The following EVA1A variants were observed in gnomAD, a reference collection of about 807,000 sequenced individuals.
EVA1A encodes eva-1 homolog A, regulator of programmed cell death.
Under a neutral mutation model 9.8 loss-of-function variants are expected in EVA1A, and 7 were observed. The observed-to-expected ratio is 0.71, with a 90% CI of 0.41 to 1.34. EVA1A has a LOEUF of 1.34. Among genes scored for constraint, EVA1A ranks in the 40% most tolerant of loss-of-function variants. EVA1A has a pLI of 0.01. For synonymous variants in EVA1A, 90 were observed against 85.6 expected (o/e 1.05, Z -0.28); for missense variants, 206 against 205.9 (o/e 1.00, Z 0.00).
chr2:75,493,714 G>C, intron 3 of EVA1A, 105 bp from the exon 4 acceptor site: 2 of 1,082,014 alleles, frequency 1.8e-6, no homozygotes, highest in Non-Finnish European at 2.6e-6. Context: ...CCAAAGTTTT[G>C]ATGGTTACAA....
At chr2:75,520,481 C>T (rs1209166190) in intron 2 of EVA1A, among the ~76,000 whole-genome samples, 3 of 152,192 alleles carry the variant, frequency 2.0e-5, no homozygotes, top group Admixed American at 2.0e-4. Context: ...GTAGGCCTAG[C>T]ATATAAAAAC....
intron 3 of EVA1A, among the ~76,000 whole-genome samples, chr2:75,506,295 T>C (rs1001391849): frequency 2.6e-5 from 4 of 152,240 alleles, no homozygotes; most frequent in African/African-American, 4.8e-5. Flanking sequence ...GGAATCTCTG[T>C]GTCAAACAGG....
At chr2:75,495,251 T>C in intron 3 of EVA1A, among the ~76,000 whole-genome samples, 1 of 152,120 alleles carries the variant, frequency 6.6e-6, no homozygotes, top group Non-Finnish European at 1.5e-5. Context: ...ACGAAAGCAA[T>C]GGACAGAAAA....
chr2:75,546,177 A>T (rs1676323388), intron 1 of EVA1A, among the ~76,000 whole-genome samples: 1 of 152,126 alleles, frequency 6.6e-6, no homozygotes, highest in Admixed American at 6.5e-5. Flanking sequence ...GCCACTGAGG[A>T]TGCTAAGCTG....
chr2:75,564,461 T>G (rs1456554887), upstream of EVA1A, among the ~76,000 whole-genome samples: 1 of 152,062 alleles, frequency 6.6e-6, no homozygotes, highest in African/African-American at 2.4e-5. Flanking sequence ...GCCAGCAGAG[T>G]GCACAGGGCT....
Position 75,494,078 on chromosome 2 carries a change from C to T in EVA1A, c.86-469G>A, listed in dbSNP as rs530837464. ...TGAACCCCATCTCCTAGTATTCACA[C>T]GCTTGTGCAATCCTCTCCCCTCAAG... On this transcript the variant is annotated intron_variant, in intron 3 of 3. Coordinates refer to ENST00000393913, the MANE Select transcript of EVA1A (RefSeq NM_001135032.2). 1.4e-3 allele frequency among the ~76,000 whole-genome samples: 211 copies of T among 152,300 alleles called. 2 individuals are homozygous for T. Among genetic ancestry groups the T allele is most frequent in the Non-Finnish European group, 1.6e-3 (109 of 68,018 alleles).
chr2:75,549,314 G>A (rs551514246), intron 1 of EVA1A, among the ~76,000 whole-genome samples: 5 of 152,214 alleles, frequency 3.3e-5, no homozygotes, highest in Non-Finnish European at 4.4e-5. Context: ...TAACTTCACC[G>A]AACCACATTT....
intron 1 of EVA1A, among the ~76,000 whole-genome samples, chr2:75,559,697 T>TGGGGGGGGGGGGGGGGGGGGG (rs36059976): frequency 1.3e-5 from 1 of 78,768 alleles, no homozygotes; most frequent in Admixed American, 1.3e-4. Flanking sequence ...AGAAAGGAGG[T>TGGGGGGGGGGGGGGGGGGGGG]GGGGGGGGGG....
At chr2:75,528,853 C>G (rs1572969737) in intron 1 of EVA1A, among the ~76,000 whole-genome samples, 1 of 152,184 alleles carries the variant, frequency 6.6e-6, no homozygotes, top group South Asian at 2.1e-4. Flanking sequence ...GCAACCAACT[C>G]AAGCCATTAC....
In EVA1A at chr2:75,492,960, C is replaced by T. The variant is rs1674081282; in HGVS notation, c.*276G>A. The T allele has an allele frequency of 2.4e-6, 1 of 425,418 alleles. No individual in the cohort carries two copies. The highest frequency in any genetic ancestry group is 2.0e-5 in the African/African-American group (1 of 49,324). 26.4% of individuals were successfully genotyped at this position (425,418 alleles called of 1,614,324 possible). On this transcript the variant is annotated 3_prime_UTR_variant, in exon 4 of 4. Coordinates refer to ENST00000393913, the MANE Select transcript of EVA1A (RefSeq NM_001135032.2). ...GATCCTCAGAAATCAAGAGAAACCA[C>T]AGTCGCGTTTCTCCGATCTCCATCC...
At chr2:75,562,292 C>T (rs544719193), upstream of EVA1A, among the ~76,000 whole-genome samples, 1 of 152,282 alleles carries the variant, frequency 6.6e-6, no homozygotes, top group East Asian at 1.9e-4. Flanking sequence ...TCCACCCTCA[C>T]AAATATTTCT....
At chr2:75,518,972 G>T in intron 2 of EVA1A, 2 of 607,306 alleles carry the variant, frequency 3.3e-6, no homozygotes, top group Non-Finnish European at 4.1e-6. Context: ...ACCTGTGACT[G>T]TGATGGGCCA....
At chr2:75,549,955 C>A (rs1173367023) in intron 1 of EVA1A, among the ~76,000 whole-genome samples, 1 of 152,208 alleles carries the variant, frequency 6.6e-6, no homozygotes, top group Non-Finnish European at 1.5e-5. Flanking sequence ...GCATCATGAA[C>A]ATGAACCAAG....
intron 1 of EVA1A, among the ~76,000 whole-genome samples, chr2:75,568,343 T>C (rs1199725310): frequency 1.4e-5 from 2 of 145,140 alleles, no homozygotes; most frequent in African/African-American, 5.5e-5. Flanking sequence ...TAAGTAAAAT[T>C]TAATAATTAA....
At chr2:75,495,135 T>C (rs538722038) in intron 3 of EVA1A, among the ~76,000 whole-genome samples, 10 of 152,220 alleles carry the variant, frequency 6.6e-5, no homozygotes, top group Non-Finnish European at 1.2e-4. Context: ...ATCATTCTTA[T>C]GCCTTTGTGT....
At chr2:75,525,833 C>A (rs576697746) in intron 1 of EVA1A, among the ~76,000 whole-genome samples, 1 of 152,300 alleles carries the variant, frequency 6.6e-6, no homozygotes, top group Admixed American at 6.5e-5. Context: ...ACAGGAATAC[C>A]AATGCTGTTA....
chr2:75,548,133 TTTTA>T (rs1432869917), intron 1 of EVA1A, among the ~76,000 whole-genome samples: 1 of 152,326 alleles, frequency 6.6e-6, no homozygotes, highest in Non-Finnish European at 1.5e-5. Flanking sequence ...CTCATTTCTC[TTTTA>T]TTTATTTATT....
intron 3 of EVA1A, 100 bp from the exon 4 acceptor site, chr2:75,493,709 G>A: frequency 2.7e-6 from 3 of 1,111,862 alleles, no homozygotes; most frequent in Non-Finnish European, 3.7e-6. Context: ...AGGCCCCAAA[G>A]TTTTGATGGT....
At chr2:75,532,159 CAAAAAAAAAAAAA>C (rs543115764) in intron 1 of EVA1A, among the ~76,000 whole-genome samples, 43 of 57,864 alleles carry the variant, frequency 7.4e-4, no homozygotes, top group Admixed American at 2.6e-3. Flanking sequence ...GACTCTGTCT[CAAAAAAAAAAAAA>C]AAAAAAAAAA....
Sources: allele counts gnomAD v4.1 joint callset (sites outside exome capture counted in the v4.1 genomes callset), GRCh38; gene constraint gnomAD v4.1.1; transcripts MANE v1.5; gene names NCBI Gene and HGNC (gene_info 2026-07-23, HGNC 2026-07-21).